Variants in PAX5 observed in about 807,000 individuals in gnomAD.
The protein encoded by PAX5 is paired box protein Pax-5.
In PAX5, 9 loss-of-function variants were observed where a neutral mutation model predicts 43.7. The ratio of observed to expected loss-of-function variants is 0.21; its 90% CI spans 0.12 to 0.36. PAX5 has a LOEUF of 0.36. PAX5 is among the 10% of genes least tolerant of loss of function. The pLI, the probability that PAX5 is intolerant of heterozygous loss-of-function variation, is 1.00. For missense variants in PAX5, 383 were observed against 532.7 expected, an observed-to-expected ratio of 0.72 and a Z score of 2.77; for synonymous variants, 228 against 214.3, an observed-to-expected ratio of 1.06 and a Z score of -0.56.
At chr9:37,006,380 T>C (rs1838388988) in intron 4 of PAX5, 93 bp downstream of exon 4, 2 of 941,596 alleles carry the variant, frequency 2.1e-6, no homozygotes, top group East Asian at 4.8e-5. Context: ...AAGTGTTTTA[T>C]GCAGAATTAT....
At position 36,998,109 on chromosome 9, in the gene PAX5, G is replaced by A. The variant is rs573159216; in HGVS notation, c.604+4539C>T. Among the ~76,000 whole-genome samples, 21 of 152,340 alleles carry A rather than the reference G, an allele frequency of 1.4e-4. No homozygotes were observed. The South Asian group carries it at 1.4e-3, about 11-fold the overall frequency. On this transcript the variant is annotated intron_variant, in intron 5 of 9. Transcript: ENST00000358127. ...TGGCCCAGCCTGGCTGCTTCTGAAA[G>A]CCATATGTTGCATTCAGCCATAATC...
chr9:36,936,837 C>A (rs1322640261), intron 6 of PAX5, among the ~76,000 whole-genome samples: 1 of 99,960 alleles, frequency 1.0e-5, no homozygotes, highest in Non-Finnish European at 2.2e-5. Context: ...CATGCACACA[C>A]ACACACACAC....
chr9:36,861,296 T>A (rs1346145702), intron 8 of PAX5: 1 of 151,420 alleles, frequency 6.6e-6, no homozygotes, highest in Non-Finnish European at 1.5e-5. Context: ...CATCCATTCA[T>A]CTATCAGATA....
chr9:37,029,370 C>T (rs7038881), intron 1 of PAX5, among the ~76,000 whole-genome samples: 1 of 152,204 alleles, frequency 6.6e-6, no homozygotes, highest in African/African-American at 2.4e-5. Context: ...AAGTTTCCGG[C>T]GCTGACACCC....
At chr9:36,973,173 A>G (rs1473885728) in intron 5 of PAX5, among the ~76,000 whole-genome samples, 2 of 137,592 alleles carry the variant, frequency 1.5e-5, no homozygotes, top group Admixed American at 7.5e-5. Flanking sequence ...AGGAAAGGAA[A>G]GGAAAGGAAA....
intron 7 of PAX5, among the ~76,000 whole-genome samples, chr9:36,885,088 C>T (rs150898192): frequency 6.6e-6 from 1 of 152,194 alleles, no homozygotes; most frequent in East Asian, 1.9e-4. Flanking sequence ...AACAAAGGGC[C>T]TGGGTTGTTC....
At chr9:36,976,252 CCAA>C (rs1310357459) in intron 5 of PAX5, among the ~76,000 whole-genome samples, 30 of 152,112 alleles carry the variant, frequency 2.0e-4, no homozygotes, top group Admixed American at 1.9e-3. Context: ...TGCTCAGAGT[CCAA>C]CAACAACAAC....
chr9:36,849,355 C>A (rs568338976), intron 8 of PAX5, among the ~76,000 whole-genome samples: 1 of 152,350 alleles, frequency 6.6e-6, no homozygotes, highest in Non-Finnish European at 1.5e-5. Context: ...GAGCTGATCA[C>A]AATCCAACCT....
intron 6 of PAX5, among the ~76,000 whole-genome samples, chr9:36,942,100 T>C (rs1360441880): frequency 6.6e-6 from 1 of 152,226 alleles, no homozygotes; most frequent in Non-Finnish European, 1.5e-5. Context: ...CATGAACTCG[T>C]GTGCCCACCT....
intron 7 of PAX5, among the ~76,000 whole-genome samples, chr9:36,917,603 C>T (rs1829825074): frequency 6.6e-6 from 1 of 152,232 alleles, no homozygotes; most frequent in South Asian, 2.1e-4. Flanking sequence ...TTTCTGTAGA[C>T]AAGATTCTCA....
chr9:36,846,588 CT>C (rs1822594906), intron 9 of PAX5, among the ~76,000 whole-genome samples: 1 of 152,020 alleles, frequency 6.6e-6, no homozygotes, highest in Non-Finnish European at 1.5e-5. Context: ...CCCTTTTTTC[CT>C]CTGTTTCCCT....
intron 1 of PAX5, among the ~76,000 whole-genome samples, chr9:37,029,804 G>T (rs1220627989): frequency 1.3e-5 from 2 of 152,174 alleles, no homozygotes; most frequent in Admixed American, 6.5e-5. Context: ...AGCTAAAAGG[G>T]CCTCGAAGCT....
chr9:37,029,929 T>C (rs1840806852), intron 1 of PAX5, among the ~76,000 whole-genome samples: 1 of 152,048 alleles, frequency 6.6e-6, no homozygotes, highest in African/African-American at 2.4e-5. Flanking sequence ...GAAACCTTTC[T>C]CAAAAGCGCC....
chr9:36,927,855 C>T (rs1830780590), intron 6 of PAX5, among the ~76,000 whole-genome samples: 1 of 152,162 alleles, frequency 6.6e-6, no homozygotes, highest in African/African-American at 2.4e-5. Context: ...ATTACAGACA[C>T]ATGCCACCAC....
rs564701182 is a variant in PAX5 at position 36,941,373 on chromosome 9, A to G, written c.781-17889T>C. On this transcript the variant is annotated intron_variant, in intron 6 of 9. Coordinates refer to ENST00000358127, the MANE Select transcript of PAX5 (RefSeq NM_016734.3). ...CTACCGCTATTATTCCTCAGGAAGCAGCAGAAGTGAGTCCAAATACAAGCT... is the reference window on the plus strand; with the variant it reads ...CTACCGCTATTATTCCTCAGGAAGCGGCAGAAGTGAGTCCAAATACAAGCT... 9.8e-5 allele frequency among the ~76,000 whole-genome samples: 15 copies of G among 152,366 alleles called. No homozygotes were observed. In the South Asian group the frequency reaches 1.0e-3, roughly 11 times the overall value.
chr9:36,908,494 T>C (rs1367236103), intron 7 of PAX5, among the ~76,000 whole-genome samples: 1 of 152,246 alleles, frequency 6.6e-6, no homozygotes, highest in African/African-American at 2.4e-5. Context: ...GCAGGAATTC[T>C]AAAACCCTCA....
At position 37,020,818 on chromosome 9, in the gene PAX5, A is replaced by G. The variant is rs552494771; in HGVS notation, c.47-17T>C. On this transcript the variant is annotated splice_polypyrimidine_tract_variant and intron_variant, in intron 1 of 9. Transcript: ENST00000358127. Reference sequence around the variant, plus strand: ...CTCCATGTCCTGAAACAGATCAGAAACAAAAGGAAAGGGAAAGGGTAGTTA... The same window carrying G: ...CTCCATGTCCTGAAACAGATCAGAAGCAAAAGGAAAGGGAAAGGGTAGTTA... 23 of 1,613,228 alleles carry G rather than the reference A, an allele frequency of 1.4e-5. No homozygotes were observed. The highest frequency in any genetic ancestry group is 1.7e-4 in the Middle Eastern group (1 of 6,054).
intron 7 of PAX5, among the ~76,000 whole-genome samples, chr9:36,893,870 C>A (rs2131826612): frequency 6.6e-6 from 1 of 152,316 alleles, no homozygotes; most frequent in South Asian, 2.1e-4. Context: ...GACGGTATGT[C>A]ACTTCAACAT....
chr9:36,966,492 C>A (rs1294580243), intron 6 of PAX5, 57 bp downstream of exon 6: 4 of 1,575,138 alleles, frequency 2.5e-6, no homozygotes, highest in Admixed American at 3.4e-5. Context: ...CCTTCAGGAA[C>A]CTGGCTGGGC....
Sources: gnomAD v4.1 joint callset for allele counts (sites outside exome capture counted in the v4.1 genomes callset) on GRCh38, gnomAD v4.1.1 for gene constraint, MANE v1.5 for transcripts, NCBI Gene and HGNC (gene_info 2026-07-23, HGNC 2026-07-21) for gene names.